Variants in EPHA6 observed in about 807,000 individuals in gnomAD.
The protein encoded by EPHA6 is ephrin type-A receptor 6.
A neutral mutation model predicts 112.0 loss-of-function variants in EPHA6; 50 were observed. The observed-to-expected ratio is 0.45, with a 90% CI of 0.36 to 0.56. The LOEUF (loss-of-function observed/expected upper bound fraction) is 0.56. Ranked by LOEUF, EPHA6 falls within the 20% of genes least tolerant of loss-of-function variation. The pLI, the probability that EPHA6 is intolerant of heterozygous loss-of-function variation, is 0.00. For missense variants in EPHA6, 1,280 were observed against 1,417.4 expected (o/e 0.90, Z 1.56); for synonymous variants, 529 against 490.7 (o/e 1.08, Z -1.03).
Position 97,713,086 on chromosome 3 carries a change from G to C in EPHA6, c.2785-7175G>C, listed in dbSNP as rs1005560033. 4.1e-4 allele frequency among the ~76,000 whole-genome samples: 63 copies of C among 152,130 alleles called. 1 individual carries two copies. Among genetic ancestry groups the C allele is most frequent in the African/African-American group, 1.5e-3 (62 of 41,418 alleles). On this transcript the variant is annotated intron_variant, in intron 14 of 17. Coordinates refer to ENST00000389672, the MANE Select transcript of EPHA6 (RefSeq NM_001080448.3). Reference sequence around the variant, plus strand: ...GGAAGCGTAGGCTTAGAGTTAGGGTGGGGGAGGGATAGGGCAGCAACACCG... The same window carrying C: ...GGAAGCGTAGGCTTAGAGTTAGGGTCGGGGAGGGATAGGGCAGCAACACCG...
At chr3:97,571,999 C>G (rs966464038) in intron 11 of EPHA6, among the ~76,000 whole-genome samples, 2 of 152,072 alleles carry the variant, frequency 1.3e-5, no homozygotes, top group African/African-American at 2.4e-5. Context: ...TCCATTTTTA[C>G]TTTTTTCCCT....
At chr3:97,620,170 G>T (rs1401505522) in intron 13 of EPHA6, among the ~76,000 whole-genome samples, 1 of 151,996 alleles carries the variant, frequency 6.6e-6, no homozygotes, top group Non-Finnish European at 1.5e-5. Flanking sequence ...ATGAGGAAAA[G>T]ATTTCTTTAT....
chr3:97,285,787 T>C (rs1356276693), intron 5 of EPHA6, among the ~76,000 whole-genome samples: 1 of 152,076 alleles, frequency 6.6e-6, no homozygotes, highest in Non-Finnish European at 1.5e-5. Flanking sequence ...TTTTAGTTTT[T>C]TGGTTTTATT....
chr3:97,203,440 G>A (rs761595790), intron 3 of EPHA6, among the ~76,000 whole-genome samples: 51 of 152,080 alleles, frequency 3.4e-4, no homozygotes, highest in Non-Finnish European at 6.2e-4. Context: ...TTGTTTGTAA[G>A]GGTAGAGAAG....
intron 11 of EPHA6, among the ~76,000 whole-genome samples, chr3:97,585,103 G>A (rs2093475946): frequency 6.6e-6 from 1 of 152,080 alleles, no homozygotes; most frequent in African/African-American, 2.4e-5. Flanking sequence ...CAAAACCACT[G>A]GTCCCAGCCT....
chr3:96,918,591 G>A (rs2039601513), intron 2 of EPHA6, among the ~76,000 whole-genome samples: 1 of 151,924 alleles, frequency 6.6e-6, no homozygotes, highest in Admixed American at 6.6e-5. Context: ...ACTTTTATAA[G>A]GCTTTTTGAA....
intron 2 of EPHA6, among the ~76,000 whole-genome samples, chr3:96,884,490 G>T (rs2037506862): frequency 6.6e-6 from 1 of 152,032 alleles, no homozygotes; most frequent in Non-Finnish European, 1.5e-5. Flanking sequence ...TGCAGCTATT[G>T]TACAAGGAGT....
rs748624359 is a variant in EPHA6, at chr3:97,002,730, G to C, written c.1114+14737G>C. ...AGAAGTCAGACTCAAAATTCTTACTGTTTTTGCTACTTTGAATTCAGCAAA... is the reference window on the plus strand; with the variant it reads ...AGAAGTCAGACTCAAAATTCTTACTCTTTTTGCTACTTTGAATTCAGCAAA... On this transcript the variant is annotated intron_variant, in intron 3 of 17. Coordinates refer to ENST00000389672, the MANE Select transcript of EPHA6 (RefSeq NM_001080448.3). Among the ~76,000 whole-genome samples the C allele has an allele frequency of 4.5e-4, 69 of 151,974 alleles. 1 individual carries two copies. Among genetic ancestry groups the C allele is most frequent in the Admixed American group, 1.2e-3 (18 of 15,218 alleles).
At chr3:97,463,224 A>G (rs530655051) in intron 7 of EPHA6, among the ~76,000 whole-genome samples, 3 of 152,232 alleles carry the variant, frequency 2.0e-5, no homozygotes, top group Admixed American at 1.3e-4. Context: ...TACATTAGGT[A>G]TATCTCCTAA....
intron 3 of EPHA6, among the ~76,000 whole-genome samples, chr3:97,012,816 G>A (rs993039055): frequency 7.9e-5 from 12 of 151,330 alleles, no homozygotes; most frequent in Admixed American, 4.6e-4. Context: ...ATGGTATCTC[G>A]TTATTGTTTT....
At chr3:97,638,369 G>A (rs532713763) in intron 14 of EPHA6, among the ~76,000 whole-genome samples, 88 of 152,046 alleles carry the variant, frequency 5.8e-4, no homozygotes, top group Non-Finnish European at 1.0e-3. Flanking sequence ...TTATAACATG[G>A]GCTGAAGTAT....
intron 14 of EPHA6, among the ~76,000 whole-genome samples, chr3:97,652,360 A>G (rs887723221): frequency 1.8e-4 from 28 of 152,028 alleles, no homozygotes; most frequent in African/African-American, 6.3e-4. Flanking sequence ...AACAGACCCT[A>G]TTGGCTGCCC....
intron 3 of EPHA6, among the ~76,000 whole-genome samples, chr3:97,199,390 A>G (rs2077521498): frequency 6.6e-6 from 1 of 152,152 alleles, no homozygotes; most frequent in African/African-American, 2.4e-5. Flanking sequence ...GTACATTAAA[A>G]TAACTTGGGG....
chr3:97,164,836 G>A (rs547843391), intron 3 of EPHA6, among the ~76,000 whole-genome samples: 1 of 151,908 alleles, frequency 6.6e-6, no homozygotes, highest in Non-Finnish European at 1.5e-5. Context: ...TCTACCACCA[G>A]CATCCTATTT....
chr3:97,636,472 C>G (rs2093945920), intron 13 of EPHA6, among the ~76,000 whole-genome samples: 1 of 151,946 alleles, frequency 6.6e-6, no homozygotes, highest in South Asian at 2.1e-4. Flanking sequence ...TACAGAAGTG[C>G]CGGCTTAAAT....
chr3:97,536,843 T>C (rs1264664232), intron 11 of EPHA6, among the ~76,000 whole-genome samples: 1 of 152,148 alleles, frequency 6.6e-6, no homozygotes, highest in Non-Finnish European at 1.5e-5. Flanking sequence ...CTTTGGGCCT[T>C]AATTTTCACC....
chr3:97,403,698 G>A (rs866937873), intron 5 of EPHA6, among the ~76,000 whole-genome samples: 1 of 152,064 alleles, frequency 6.6e-6, no homozygotes, highest in Non-Finnish European at 1.5e-5. Context: ...TGCCCGCCTC[G>A]GCCTCCCAAA....
intron 3 of EPHA6, among the ~76,000 whole-genome samples, chr3:97,175,361 G>T (rs1290741955): frequency 6.6e-6 from 1 of 151,834 alleles, no homozygotes; most frequent in East Asian, 1.9e-4. Context: ...TTATGCTTAG[G>T]ATAGTTTTAG....
In EPHA6 at chr3:97,756,326, TTC is replaced by T. The variant is rs1205941290; in HGVS notation, c.*7627_*7628del. On this transcript the variant is annotated 3_prime_UTR_variant, in exon 18 of 18. Transcript: ENST00000389672. ...ACTTGTAACTGAACAAGCTATTTTT[TTC>T]TGTCAATGTGATTGATATGCTCATT... is the stretch of plus-strand genomic sequence containing the variant. Among the ~76,000 whole-genome samples, 5 of 151,982 alleles carry T rather than the reference TTC, an allele frequency of 3.3e-5. No homozygotes were observed. The highest frequency in any genetic ancestry group is 9.7e-5 in the African/African-American group (4 of 41,450).
Sources: gnomAD v4.1 joint callset for allele counts (sites outside exome capture counted in the v4.1 genomes callset) on GRCh38, gnomAD v4.1.1 for gene constraint, MANE v1.5 for transcripts, NCBI Gene and HGNC (gene_info 2026-07-23, HGNC 2026-07-21) for gene names.